UNC5D: variants seen among roughly 807,000 people sequenced by gnomAD.
UNC5D encodes the protein netrin receptor UNC5D.
Under a neutral mutation model 105.4 loss-of-function variants are expected in UNC5D, and 39 were observed. That is an observed-to-expected ratio of 0.37 (90% CI 0.29 to 0.48). UNC5D has a LOEUF of 0.48. UNC5D is among the 20% of genes least tolerant of loss of function. The pLI is 0.98. For synonymous variants in UNC5D, 452 were observed against 450.4 expected (o/e 1.00, Z -0.04); for missense variants, 991 against 1,202.4 (o/e 0.82, Z 2.60).
chr8:35,578,262 T>A (rs1818230281), intron 3 of UNC5D, among the ~76,000 whole-genome samples: 3 of 115,112 alleles, frequency 2.6e-5, no homozygotes, highest in Admixed American at 8.2e-5. Flanking sequence ...AAAGAAAAAC[T>A]CTGTCTCAAA....
At chr8:35,349,439 A>C (rs779332797) in intron 1 of UNC5D, among the ~76,000 whole-genome samples, 3 of 151,294 alleles carry the variant, frequency 2.0e-5, no homozygotes, top group African/African-American at 7.2e-5. Flanking sequence ...TTTCATTACT[A>C]TTGCCACTGA....
intron 1 of UNC5D, among the ~76,000 whole-genome samples, chr8:35,342,590 C>T (rs1370597985): frequency 6.6e-6 from 1 of 151,992 alleles, no homozygotes; most frequent in African/African-American, 2.4e-5. Context: ...ATACTCAAGA[C>T]CTCTAGAGTG....
intron 8 of UNC5D, among the ~76,000 whole-genome samples, chr8:35,712,015 G>A (rs1480779548): frequency 1.3e-5 from 2 of 152,206 alleles, no homozygotes. Flanking sequence ...GGCCATGCCT[G>A]TAATCCTAGC....
chr8:35,388,294 G>A (rs1803560549), intron 1 of UNC5D, among the ~76,000 whole-genome samples: 1 of 152,056 alleles, frequency 6.6e-6, no homozygotes, highest in South Asian at 2.1e-4. Context: ...AACCTGGGAG[G>A]TGGAGGTTAC....
intron 1 of UNC5D, among the ~76,000 whole-genome samples, chr8:35,243,123 C>T (rs1345992816): frequency 1.3e-5 from 2 of 152,150 alleles, no homozygotes; most frequent in African/African-American, 2.4e-5. Flanking sequence ...TTCTGATAAA[C>T]TCCCAGATGA....
chr8:35,667,005 A>G (rs971581786), intron 4 of UNC5D, among the ~76,000 whole-genome samples: 1 of 152,182 alleles, frequency 6.6e-6, no homozygotes, highest in Non-Finnish European at 1.5e-5. Context: ...CCTGCTAGCC[A>G]TCTAGGAATA....
intron 1 of UNC5D, among the ~76,000 whole-genome samples, chr8:35,484,743 G>T (rs571884030): frequency 6.6e-6 from 1 of 152,108 alleles, no homozygotes; most frequent in Non-Finnish European, 1.5e-5. Context: ...AATCTAAAAT[G>T]AATTGAATGC....
In UNC5D at chr8:35,794,459, G is replaced by A. The variant is rs1803179582; in HGVS notation, c.*3896G>A. ...GCCACAGCAAATGGGAGAGCAAAAT[G>A]TTGGCCTACAGAGAATGACACAATT... On this transcript the variant is annotated 3_prime_UTR_variant, in exon 17 of 17. Transcript: ENST00000404895. 6.6e-6 allele frequency: 1 copy of A among 152,492 alleles called. No individual in the cohort carries two copies. The highest frequency in any genetic ancestry group is 2.4e-5 in the African/African-American group (1 of 41,442). 9.4% of individuals were successfully genotyped at this position (152,492 alleles called of 1,614,324 possible).
chr8:35,387,116 T>A (rs1217114356), intron 1 of UNC5D, among the ~76,000 whole-genome samples: 1 of 151,624 alleles, frequency 6.6e-6, no homozygotes, highest in Admixed American at 6.6e-5. Flanking sequence ...ATCCCAGCAC[T>A]TTGGGAGGCC....
At chr8:35,579,748 AT>A (rs1818349577) in intron 3 of UNC5D, among the ~76,000 whole-genome samples, 1 of 152,204 alleles carries the variant, frequency 6.6e-6, no homozygotes, top group Admixed American at 6.5e-5. Context: ...GGGTGTTCAA[AT>A]TCTCTGCTAA....
At chr8:35,511,657 T>C (rs1424627745) in intron 1 of UNC5D, among the ~76,000 whole-genome samples, 1 of 151,960 alleles carries the variant, frequency 6.6e-6, no homozygotes, top group African/African-American at 2.4e-5. Context: ...TCTTTTGGCT[T>C]TTCTGGGCCA....
intron 1 of UNC5D, among the ~76,000 whole-genome samples, chr8:35,510,185 A>G (rs1812600938): frequency 6.6e-6 from 1 of 151,868 alleles, no homozygotes. Flanking sequence ...CCTTACCTGG[A>G]GTTCAGGAGG....
chr8:35,724,280 G>C, intron 9 of UNC5D: 1 of 1,534,434 alleles, frequency 6.5e-7, no homozygotes, highest in Non-Finnish European at 8.7e-7. Flanking sequence ...AATGATACAA[G>C]AAAAATCCTT....
At chr8:35,456,277 G>A (rs1808489962) in intron 1 of UNC5D, among the ~76,000 whole-genome samples, 1 of 152,094 alleles carries the variant, frequency 6.6e-6, no homozygotes, top group Non-Finnish European at 1.5e-5. Flanking sequence ...TTGAATGTGT[G>A]TTAAAATCAC....
chr8:35,328,559 G>A (rs545154797), intron 1 of UNC5D, among the ~76,000 whole-genome samples: 1 of 152,208 alleles, frequency 6.6e-6, no homozygotes, highest in African/African-American at 2.4e-5. Flanking sequence ...TATCCAACTT[G>A]TGCTTCAAAC....
chr8:35,769,507 A>G (rs1253984083), intron 15 of UNC5D, among the ~76,000 whole-genome samples: 2 of 152,164 alleles, frequency 1.3e-5, no homozygotes, highest in Non-Finnish European at 2.9e-5. Context: ...GGATGTAACC[A>G]TTTGTGTGAT....
intron 11 of UNC5D, among the ~76,000 whole-genome samples, chr8:35,740,408 C>T (rs1388751354): frequency 2.0e-5 from 3 of 152,164 alleles, no homozygotes; most frequent in African/African-American, 7.2e-5. Flanking sequence ...CAGGCAGCCT[C>T]TAGAAACTGG....
chr8:35,593,024 G>A (rs1819266558), intron 3 of UNC5D, among the ~76,000 whole-genome samples: 1 of 146,080 alleles, frequency 6.8e-6, no homozygotes, highest in South Asian at 2.2e-4. Flanking sequence ...CGTTTCCTAG[G>A]TCCCACTGTC....
intron 16 of UNC5D, among the ~76,000 whole-genome samples, chr8:35,790,052 T>C (rs754309835): frequency 2.6e-5 from 4 of 152,116 alleles, no homozygotes; most frequent in Non-Finnish European, 5.9e-5. Context: ...AGGTCAAGGC[T>C]GCAGTGAGCT....
Sources: allele counts gnomAD v4.1 joint callset (sites outside exome capture counted in the v4.1 genomes callset), GRCh38; gene constraint gnomAD v4.1.1; transcripts MANE v1.5; gene names NCBI Gene and HGNC (gene_info 2026-07-23, HGNC 2026-07-21).